Variants in PSG5 observed in about 807,000 individuals in gnomAD.
PSG5 encodes the protein pregnancy specific beta-1-glycoprotein 5.
PSG5 carries 53 observed loss-of-function variants against 37.7 expected under a neutral mutation model. That is an observed-to-expected ratio of 1.41 (90% CI 1.13 to 1.77). The LOEUF is 1.77. PSG5 is among the 40% of genes most tolerant of loss of function. The pLI is 0.00. For synonymous variants in PSG5, 221 were observed against 155.4 expected (o/e 1.42, Z -3.14); for missense variants, 547 against 405.2 (o/e 1.35, Z -3.00).
In PSG5 at chr19:43,186,425, TCTC is replaced by T; in HGVS notation, c.-23_-21del. ...CCCCATGGTCTCTGCGCCTGCGTGTTCTCCTCTGTGGAGCTGAGCCTAGGATCC... is the reference window on the plus strand; with the variant it reads ...CCCCATGGTCTCTGCGCCTGCGTGTTCTCTGTGGAGCTGAGCCTAGGATCC... On this transcript the variant is annotated 5_prime_UTR_variant, in exon 1 of 6. Coordinates refer to ENST00000342951, the MANE Select transcript of PSG5 (RefSeq NM_002781.4). 6.2e-7 allele frequency: 1 copy of T among 1,611,766 alleles called. No individual in the cohort carries two copies. The highest frequency in any genetic ancestry group is 8.5e-7 in the Non-Finnish European group (1 of 1,178,638).
At chr19:43,186,250 T>G in intron 1 of PSG5, 92 bp downstream of exon 1, 1 of 1,590,642 alleles carries the variant, frequency 6.3e-7, no homozygotes, top group Admixed American at 1.7e-5. Context: ...TGCTGGCTTC[T>G]TTTATTTTTT....
rs760053562 is a variant in PSG5, at chr19:43,183,106, C to CAGAG, written c.430+1672_430+1675dup. Among the ~76,000 whole-genome samples, 684 of 151,082 alleles carry CAGAG rather than the reference C, an allele frequency of 4.5e-3. 12 individuals carry two copies. Among genetic ancestry groups the CAGAG allele is most frequent in the African/African-American group, 0.016 (659 of 40,838 alleles). ...GAGGAAGATGAGGGACACAGAGAAG[C>CAGAG]AGAGGCAGAGACACCATGGCAGTGA... On this transcript the variant is annotated intron_variant, in intron 2 of 5. Coordinates refer to ENST00000342951, the MANE Select transcript of PSG5 (RefSeq NM_002781.4).
chr19:43,176,638 G>A (rs552400139), intron 2 of PSG5, among the ~76,000 whole-genome samples: 1 of 151,324 alleles, frequency 6.6e-6, no homozygotes, highest in Non-Finnish European at 1.5e-5. Context: ...ATACTGAGCA[G>A]TCTGGCCTGG....
chr19:43,175,771 G>A lies in PSG5; in HGVS notation c.709+99C>T, dbSNP rs777049194. The A allele has an allele frequency of 5.8e-6, 9 of 1,563,176 alleles. No individual in the cohort carries two copies. In the East Asian group the frequency reaches 1.3e-4, roughly 23 times the overall value. On this transcript the variant is annotated intron_variant, in intron 3 of 5. Transcript: ENST00000342951. ...CCAGCTCAGATGTCCAGAAATAAAG[G>A]TGTCTATACTTGGACCGGAGAAAGA...
chr19:43,171,500 A>T, intron 4 of PSG5: 1 of 249,228 alleles, frequency 4.0e-6, no homozygotes, highest in Non-Finnish European at 7.8e-6. Context: ...AAGCACAGTG[A>T]ATGAGGGAAA....
At chr19:43,179,139 G>T in intron 2 of PSG5, 1 of 1,595,618 alleles carries the variant, frequency 6.3e-7, no homozygotes, top group Non-Finnish European at 8.6e-7. Flanking sequence ...ACTGGAGATG[G>T]AGGGCTTGGG....
rs201089293 is a variant in PSG5, at chr19:43,184,903, G to A, written c.309C>T (p.Ser103=). The A allele has an allele frequency of 6.2e-7, 1 of 1,612,486 alleles. No homozygotes were observed. Among genetic ancestry groups the A allele is most frequent in the Non-Finnish European group, 8.5e-7 (1 of 1,179,162 alleles). Residue 103 remains serine (S), a synonymous_variant, in exon 2 of 6, where the codon TCC becomes TCT. Coordinates refer to ENST00000342951, the MANE Select transcript of PSG5 (RefSeq NM_002781.4). ...PAYTGRETVY[S]NASLLIQNVT... ...CATTCTGGATCAGCAGGGATGCATT[G>A]GAATATACTGTTTCTCGTCCAGTGT...
chr19:43,168,214 C>G lies in PSG5; in HGVS notation c.*41-11G>C, dbSNP rs1017879229. The G allele has an allele frequency of 7.5e-6, 3 of 398,366 alleles. No homozygotes were observed. The highest frequency in any genetic ancestry group is 6.3e-5 in the African/African-American group (3 of 47,818). The allele number at this position is 398,366 out of a possible 1,614,324, so 24.7% of individuals were successfully genotyped here. ...AATCAAAGCAACTGTCTGGGAAAGACAAAGATTTAAACTGACTATGGTTAA... is the reference window on the plus strand; with the variant it reads ...AATCAAAGCAACTGTCTGGGAAAGAGAAAGATTTAAACTGACTATGGTTAA... On this transcript the variant is annotated splice_polypyrimidine_tract_variant and intron_variant, in intron 5 of 5. Coordinates refer to ENST00000342951, the MANE Select transcript of PSG5 (RefSeq NM_002781.4).
At chr19:43,174,492 C>T (rs1048062753) in intron 4 of PSG5, 1 of 760,234 alleles carries the variant, frequency 1.3e-6, no homozygotes, top group African/African-American at 1.9e-5. Flanking sequence ...CGTGCTGTGT[C>T]CCACATGCTG....
At chr19:43,180,840 G>A (rs1164757469) in intron 2 of PSG5, among the ~76,000 whole-genome samples, 2 of 151,436 alleles carry the variant, frequency 1.3e-5, no homozygotes, top group Non-Finnish European at 2.9e-5. Context: ...ACTGGTCAGT[G>A]CGTCAATTAC....
At position 43,175,337 on chromosome 19, in the gene PSG5, T is replaced by A. The variant is rs180895152; in HGVS notation, c.842A>T (p.Gln281Leu). ...YFWTINGKFQQSGQKLSIPQI... is the reference protein window; with the variant it reads ...YFWTINGKFQLSGQKLSIPQI... ...GGGGATAGAGAGCTTTTGTCCTGAT[T>A]GCTGAAACTTCCCATTAATTGTCCA... The change falls in exon 4 of 6, where the codon CAA (glutamine) becomes CTA (leucine). Residue 281 changes from glutamine (Q) to leucine (L), a missense_variant. Coordinates refer to ENST00000342951, the MANE Select transcript of PSG5 (RefSeq NM_002781.4). 35 of 1,612,826 alleles carry A rather than the reference T, an allele frequency of 2.2e-5. 2 individuals are homozygous for A. The African/African-American group carries it at 2.3e-4, about 10-fold the overall frequency.
intron 2 of PSG5, 129 bp from the exon 3 acceptor site, chr19:43,176,277 A>T (rs1365105631): frequency 2.7e-6 from 4 of 1,458,922 alleles, no homozygotes; most frequent in Non-Finnish European, 3.7e-6. Flanking sequence ...TAGCTGATGC[A>T]TGTGTCACAA....
chr19:43,186,063 G>A (rs1218615147), intron 1 of PSG5, among the ~76,000 whole-genome samples: 7 of 150,558 alleles, frequency 4.6e-5, no homozygotes, highest in Non-Finnish European at 1.0e-4. Context: ...TGCAACTTCT[G>A]CCTCCCGGGT....
intron 2 of PSG5, among the ~76,000 whole-genome samples, chr19:43,178,318 T>C (rs1031380303): frequency 6.6e-6 from 1 of 151,504 alleles, no homozygotes; most frequent in Admixed American, 6.6e-5. Flanking sequence ...TTTTGGTGAT[T>C]TGGGGAATAA....
intron 2 of PSG5, 151 bp downstream of exon 2, chr19:43,184,631 C>T (rs1441970987): frequency 7.5e-6 from 11 of 1,457,094 alleles, no homozygotes; most frequent in Middle Eastern, 3.6e-4. Flanking sequence ...TTTGTCTCCT[C>T]TGTGTGTGTC....
At chr19:43,173,552 G>C (rs532216789) in intron 4 of PSG5, among the ~76,000 whole-genome samples, 4 of 151,646 alleles carry the variant, frequency 2.6e-5, no homozygotes, top group African/African-American at 9.7e-5. Flanking sequence ...GGATTAAAAT[G>C]GAGTTTTCTC....
chr19:43,173,206 A>G (rs1253965303), intron 4 of PSG5, among the ~76,000 whole-genome samples: 3 of 151,840 alleles, frequency 2.0e-5, no homozygotes, highest in South Asian at 4.1e-4. Flanking sequence ...AACACCATGC[A>G]TAAAAATTAA....
At chr19:43,178,974 A>G in intron 2 of PSG5, 1 of 1,612,724 alleles carries the variant, frequency 6.2e-7, no homozygotes, top group Non-Finnish European at 8.5e-7. Flanking sequence ...TGTGACACCA[A>G]ATATAAAGAG....
chr19:43,180,241 A>C (rs546319108), intron 2 of PSG5: 1 of 151,730 alleles, frequency 6.6e-6, no homozygotes, highest in South Asian at 2.1e-4. Context: ...GTGCGGTTTC[A>C]GTTATGCAGG....
Sources: allele counts gnomAD v4.1 joint callset (sites outside exome capture counted in the v4.1 genomes callset), GRCh38; gene constraint gnomAD v4.1.1; transcripts MANE v1.5; gene names NCBI Gene and HGNC (gene_info 2026-07-23, HGNC 2026-07-21).